METAP1D: variants seen among roughly 807,000 people sequenced by gnomAD.
METAP1D encodes the protein methionyl aminopeptidase type 1D, mitochondrial.
A neutral mutation model predicts 40.5 loss-of-function variants in METAP1D; 31 were observed. The ratio of observed to expected loss-of-function variants is 0.77; its 90% CI spans 0.58 to 1.03. The LOEUF (loss-of-function observed/expected upper bound fraction) is 1.03, where lower values mean the gene tolerates loss of function less well. Among genes scored for constraint, METAP1D ranks in the 50% least tolerant of loss-of-function variants. The pLI is 0.00. For synonymous variants in METAP1D, 151 were observed against 146.4 expected (o/e 1.03, Z -0.22); for missense variants, 411 against 420.7 (o/e 0.98, Z 0.20).
chr2:172,075,426 G>T (rs1423936188), intron 6 of METAP1D, among the ~76,000 whole-genome samples: 1 of 152,180 alleles, frequency 6.6e-6, no homozygotes, highest in African/African-American at 2.4e-5. Flanking sequence ...GTGTTTGGGA[G>T]CACTTCGGTG....
chr2:172,011,936 A>G (rs1688733063), intron 1 of METAP1D, among the ~76,000 whole-genome samples: 2 of 152,228 alleles, frequency 1.3e-5, no homozygotes, highest in South Asian at 2.1e-4. Flanking sequence ...ACTGGTAAGG[A>G]TGTGGTAAAA....
At chr2:172,049,010 G>A (rs1278199523) in intron 1 of METAP1D, among the ~76,000 whole-genome samples, 1 of 151,932 alleles carries the variant, frequency 6.6e-6, no homozygotes, top group Non-Finnish European at 1.5e-5. Context: ...TTTAAGGCAG[G>A]GTTTCGCTCT....
intron 1 of METAP1D, among the ~76,000 whole-genome samples, chr2:172,049,994 A>C (rs539195163): frequency 6.6e-6 from 1 of 152,282 alleles, no homozygotes; most frequent in South Asian, 2.1e-4. Context: ...TACAGTGAAA[A>C]TCTTCTCAGG....
chr2:172,030,178 C>T (rs187589482), intron 1 of METAP1D, among the ~76,000 whole-genome samples: 229 of 150,988 alleles, frequency 1.5e-3, no homozygotes, highest in Non-Finnish European at 2.6e-3. Flanking sequence ...CAACCTCCAC[C>T]TCCTGGGTTC....
At chr2:172,011,579 C>A (rs754729213) in intron 1 of METAP1D, among the ~76,000 whole-genome samples, 1 of 152,286 alleles carries the variant, frequency 6.6e-6, no homozygotes, top group South Asian at 2.1e-4. Context: ...CCACCGCGCC[C>A]GGCCTAATCT....
chr2:172,012,487 A>G (rs562250691), intron 1 of METAP1D, among the ~76,000 whole-genome samples: 2 of 152,234 alleles, frequency 1.3e-5, no homozygotes, highest in South Asian at 4.1e-4. Context: ...CCTAGATTTT[A>G]AAAAGAGAGC....
chr2:172,055,661 G>A (rs1225085707), intron 1 of METAP1D, among the ~76,000 whole-genome samples: 1 of 152,220 alleles, frequency 6.6e-6, no homozygotes, highest in East Asian at 1.9e-4. Context: ...TGAGTAGTTA[G>A]TGGAATAAAC....
intron 1 of METAP1D, among the ~76,000 whole-genome samples, chr2:172,057,051 C>G: frequency 6.6e-6 from 1 of 152,138 alleles, no homozygotes; most frequent in East Asian, 1.9e-4. Flanking sequence ...TCATAGAGCC[C>G]CTGCACACTG....
At chr2:172,064,476 C>T (rs1246421288) in intron 3 of METAP1D, 2 of 152,114 alleles carry the variant, frequency 1.3e-5, no homozygotes, top group African/African-American at 4.8e-5. Flanking sequence ...AAAAATTAGC[C>T]AGGCATGGTG....
intron 1 of METAP1D, among the ~76,000 whole-genome samples, chr2:172,020,422 C>T (rs1172033575): frequency 6.6e-6 from 1 of 152,208 alleles, no homozygotes; most frequent in African/African-American, 2.4e-5. Flanking sequence ...ACAAAAAAAG[C>T]AGGGGCCGTC....
chr2:172,009,294 C>T (rs1026513431), intron 1 of METAP1D, among the ~76,000 whole-genome samples: 12 of 152,092 alleles, frequency 7.9e-5, no homozygotes, highest in African/African-American at 2.4e-4. Context: ...CCGCCCACTT[C>T]GGCCTCCCAA....
chr2:172,045,263 A>C (rs1689711058), intron 1 of METAP1D, among the ~76,000 whole-genome samples: 1 of 134,192 alleles, frequency 7.5e-6, no homozygotes, highest in East Asian at 2.0e-4. Context: ...TAAAGCAAAA[A>C]AATCAAACCA....
intron 1 of METAP1D, among the ~76,000 whole-genome samples, chr2:172,022,909 G>A (rs1327195196): frequency 6.6e-6 from 1 of 152,060 alleles, no homozygotes; most frequent in East Asian, 1.9e-4. Context: ...TTTGCAGCCG[G>A]GTGTGGTGGC....
chr2:172,028,814 A>G (rs573839497), intron 1 of METAP1D, among the ~76,000 whole-genome samples: 8 of 152,312 alleles, frequency 5.3e-5, no homozygotes, highest in Non-Finnish European at 1.0e-4. Flanking sequence ...TGTCTGTTAT[A>G]CCTATGAATT....
chr2:172,043,170 G>A (rs1461300707), intron 1 of METAP1D, among the ~76,000 whole-genome samples: 2 of 128,712 alleles, frequency 1.6e-5, no homozygotes, highest in East Asian at 2.0e-4. Context: ...TCAAACTCCT[G>A]AGCTCAAGCA....
intron 1 of METAP1D, among the ~76,000 whole-genome samples, chr2:172,038,447 A>C (rs1689443403): frequency 1.3e-5 from 2 of 152,194 alleles, no homozygotes; most frequent in African/African-American, 4.8e-5. Context: ...CAATACCATC[A>C]CCAATTTTTT....
At chr2:172,063,029 C>T (rs1333203209) in intron 2 of METAP1D, among the ~76,000 whole-genome samples, 1 of 152,142 alleles carries the variant, frequency 6.6e-6, no homozygotes, top group East Asian at 1.9e-4. Context: ...GAATACTGCC[C>T]ATGGTGGAGA....
chr2:172,011,434 G>A (rs1574088951), intron 1 of METAP1D, among the ~76,000 whole-genome samples: 2 of 152,004 alleles, frequency 1.3e-5, no homozygotes, highest in African/African-American at 2.4e-5. Context: ...ACAGGCGCCC[G>A]CCACCACGCC....
chr2:172,037,614 G>T (rs1034499557), intron 1 of METAP1D, among the ~76,000 whole-genome samples: 5 of 152,112 alleles, frequency 3.3e-5, no homozygotes, highest in African/African-American at 1.2e-4. Flanking sequence ...AGAAACTGAG[G>T]CATTAAATGG....
Sources: gnomAD v4.1 joint callset for allele counts (sites outside exome capture counted in the v4.1 genomes callset) on GRCh38, gnomAD v4.1.1 for gene constraint, MANE v1.5 for transcripts, NCBI Gene and HGNC (gene_info 2026-07-23, HGNC 2026-07-21) for gene names.